Variants in TBXAS1 observed in about 807,000 individuals in gnomAD.
TBXAS1 encodes thromboxane-A synthase.
A neutral mutation model predicts 60.7 loss-of-function variants in TBXAS1; 48 were observed. That is an observed-to-expected ratio of 0.79 (90% CI 0.63 to 1.01). The LOEUF is 1.01. TBXAS1 is among the 50% of genes least tolerant of loss of function. TBXAS1 has a pLI of 0.00. For missense variants in TBXAS1, 685 were observed against 686.3 expected, an observed-to-expected ratio of 1.00 and a Z score of 0.02; for synonymous variants, 287 against 269.7, an observed-to-expected ratio of 1.06 and a Z score of -0.63.
intron 9 of TBXAS1, among the ~76,000 whole-genome samples, chr7:139,979,983 C>T (rs564662938): frequency 3.3e-5 from 5 of 151,488 alleles, no homozygotes; most frequent in Non-Finnish European, 7.4e-5. Context: ...CTATTTATTC[C>T]GTCGCCTGGG....
At chr7:139,970,248 A>T (rs957587475) in intron 9 of TBXAS1, among the ~76,000 whole-genome samples, 2 of 152,250 alleles carry the variant, frequency 1.3e-5, no homozygotes, top group Admixed American at 6.5e-5. Flanking sequence ...CTGGGATTAC[A>T]GGCTCACGCC....
chr7:139,861,388 C>A (rs2116720988), intron 1 of TBXAS1, among the ~76,000 whole-genome samples: 1 of 151,326 alleles, frequency 6.6e-6, no homozygotes, highest in Middle Eastern at 3.4e-3. Flanking sequence ...CATGCACCAC[C>A]ACACCTGGCT....
At chr7:139,868,946 AC>A (rs1801629470) in intron 1 of TBXAS1, among the ~76,000 whole-genome samples, 1 of 151,108 alleles carries the variant, frequency 6.6e-6, no homozygotes, top group Non-Finnish European at 1.5e-5. Flanking sequence ...AGCCACCACG[AC>A]CAGGCTCACC....
At chr7:139,969,342 T>C (rs891782181) in intron 9 of TBXAS1, among the ~76,000 whole-genome samples, 1 of 151,944 alleles carries the variant, frequency 6.6e-6, no homozygotes, top group Non-Finnish European at 1.5e-5. Context: ...TAAAAGAACA[T>C]TCTGTGCTGG....
At chr7:140,012,792 C>T (rs1814723806) in intron 10 of TBXAS1, among the ~76,000 whole-genome samples, 1 of 152,166 alleles carries the variant, frequency 6.6e-6, no homozygotes. Flanking sequence ...GTGTGCTCAA[C>T]ACTCGAAGTC....
intron 4 of TBXAS1, among the ~76,000 whole-genome samples, chr7:139,798,134 G>A: frequency 6.6e-6 from 1 of 152,158 alleles, no homozygotes; most frequent in East Asian, 1.9e-4. Flanking sequence ...TAGACAATGA[G>A]ATTCAAGCAA....
At chr7:139,926,740 C>CT (rs1379751744) in intron 4 of TBXAS1, among the ~76,000 whole-genome samples, 2 of 151,198 alleles carry the variant, frequency 1.3e-5, no homozygotes, top group Admixed American at 6.6e-5. Context: ...ATTTTTTCTA[C>CT]TTTTTTGCTG....
At chr7:139,951,950 A>AAAAAG (rs1221006411) in intron 5 of TBXAS1, among the ~76,000 whole-genome samples, 12,460 of 41,848 alleles carry the variant, frequency 0.3, 2,536 homozygotes, top group Admixed American at 0.32. Context: ...GGAAAGAAAG[A>AAAAAG]AAAGAAAGAA....
chr7:139,957,776 T>G lies in TBXAS1; in HGVS notation c.819+12T>G. 1 of 1,614,036 alleles carries G rather than the reference T, an allele frequency of 6.2e-7. No individual in the cohort carries two copies. On this transcript the variant is annotated intron_variant, in intron 8 of 12. Coordinates refer to ENST00000448866, the MANE Select transcript of TBXAS1 (RefSeq NM_001061.7). ...AAGCTGCCGAAGAGGTAACGTATTT[T>G]AATAGGACACAGCCTTGAAATGGAA... is the stretch of plus-strand genomic sequence containing the variant.
At chr7:139,876,964 C>T (rs191846714) in intron 3 of TBXAS1, among the ~76,000 whole-genome samples, 1 of 152,242 alleles carries the variant, frequency 6.6e-6, no homozygotes, top group African/African-American at 2.4e-5. Flanking sequence ...AGTGTAAGCT[C>T]GGCTGGCAGG....
At chr7:139,926,440 T>C (rs774229386) in intron 4 of TBXAS1, among the ~76,000 whole-genome samples, 2 of 152,348 alleles carry the variant, frequency 1.3e-5, no homozygotes, top group Non-Finnish European at 2.9e-5. Flanking sequence ...CAGTTGCCCA[T>C]AGTAGCTGCT....
chr7:139,785,638 A>G (rs1371371347), intron 3 of TBXAS1, among the ~76,000 whole-genome samples: 1 of 151,938 alleles, frequency 6.6e-6, no homozygotes, highest in African/African-American at 2.4e-5. Flanking sequence ...TCTTTAATTC[A>G]CATAACTGAT....
chr7:139,868,845 G>T (rs1801621658), intron 1 of TBXAS1, among the ~76,000 whole-genome samples: 1 of 151,068 alleles, frequency 6.6e-6, no homozygotes, highest in South Asian at 2.1e-4. Flanking sequence ...TAGAGATGAG[G>T]TTTTGCCATG....
intron 9 of TBXAS1, among the ~76,000 whole-genome samples, chr7:139,983,396 T>C (rs961732214): frequency 3.9e-5 from 6 of 152,236 alleles, no homozygotes; most frequent in African/African-American, 1.4e-4. Context: ...CGGTAGGGTA[T>C]CTGTTATAAA....
rs1796852740 is a variant in TBXAS1, at chr7:139,778,474, A to C, written c.-318+3A>C. 1 of 152,614 alleles carries C rather than the reference A, an allele frequency of 6.6e-6. No individual in the cohort carries two copies. Among genetic ancestry groups the C allele is most frequent in the Admixed American group, 6.5e-5 (1 of 15,270 alleles). The allele number at this position is 152,614 out of a possible 1,614,324, so 9.5% of individuals were successfully genotyped here. On this transcript the variant is annotated splice_donor_region_variant and intron_variant, in intron 1 of 16. Transcript: ENST00000336425. This position sits in a 1 kb window ranked among gnomAD's most constrained non-coding sequence, Gnocchi z 4.8. Reference sequence around the variant, plus strand: ...ACAGCCGGTTGGCGCTCGCGGAGGTAGGAGTGGAATGAATGAATGAAGGAG... The same window carrying C: ...ACAGCCGGTTGGCGCTCGCGGAGGTCGGAGTGGAATGAATGAATGAAGGAG...
At chr7:139,950,074 T>G (rs139610927) in intron 5 of TBXAS1, among the ~76,000 whole-genome samples, 1,511 of 144,386 alleles carry the variant, frequency 0.01, 33 homozygotes, top group African/African-American at 0.038. Context: ...AGACGGAGTC[T>G]CTCTCTGTCA....
intron 3 of TBXAS1, among the ~76,000 whole-genome samples, chr7:139,904,313 T>C (rs1456648604): frequency 6.6e-6 from 1 of 152,122 alleles, no homozygotes; most frequent in East Asian, 1.9e-4. Context: ...ATATGCCTGT[T>C]TTTATACCAG....
chr7:139,788,402 A>G (rs1797267583), intron 4 of TBXAS1, among the ~76,000 whole-genome samples: 1 of 152,238 alleles, frequency 6.6e-6, no homozygotes, highest in African/African-American at 2.4e-5. Context: ...TAAGTTTCAC[A>G]AAGTCATTGT....
chr7:140,002,063 G>C (rs923139243), intron 9 of TBXAS1, among the ~76,000 whole-genome samples: 2 of 152,144 alleles, frequency 1.3e-5, no homozygotes, highest in African/African-American at 4.8e-5. Context: ...TACGTCTCCC[G>C]GGCCTAGCAC....
Sources: gnomAD v4.1 joint callset for allele counts (sites outside exome capture counted in the v4.1 genomes callset) on GRCh38, gnomAD v4.1.1 for gene constraint, Gnocchi (gnomAD v3.1) non-coding constraint, MANE v1.5 for transcripts, NCBI Gene and HGNC (gene_info 2026-07-23, HGNC 2026-07-21) for gene names.